SHANK1: variants seen among roughly 807,000 people sequenced by gnomAD.
SHANK1 encodes SH3 and multiple ankyrin repeat domains 1.
Under a neutral mutation model 165.6 loss-of-function variants are expected in SHANK1, and 35 were observed. That is an observed-to-expected ratio of 0.21 (90% CI 0.16 to 0.28). The LOEUF (loss-of-function observed/expected upper bound fraction) is 0.28. Among genes scored for constraint, SHANK1 ranks in the 10% least tolerant of loss-of-function variants. The pLI is 1.00. For missense variants in SHANK1, 2,681 were observed against 3,036.4 expected, an observed-to-expected ratio of 0.88 and a Z score of 2.75; for synonymous variants, 1,428 against 1,384.8, an observed-to-expected ratio of 1.03 and a Z score of -0.69.
At chr19:50,715,879 C>G (rs2089063347) in intron 3 of SHANK1, 149 bp from the exon 4 acceptor site, 1 of 769,666 alleles carries the variant, frequency 1.3e-6, no homozygotes, top group Non-Finnish European at 2.3e-6. Flanking sequence ...GAACCTTGGT[C>G]TAGGCGGTAG....
Position 50,668,334 on chromosome 19 carries a change from G to C in SHANK1, c.3626C>G (p.Pro1209Arg), listed in dbSNP as rs1985644064. ...SPAPAMSPVP[P>R]SPSPVPTPAS... The stretch of plus-strand genomic sequence containing the variant: ...GGGGGTGGGCACGGGCGAGGGGGAC[G>C]GGGGCACGGGTGACATGGCCGGGGC... Residue 1209 changes from proline (P) to arginine (R), a missense_variant, in exon 23 of 24, where the codon CCG becomes CGG. By Grantham distance (103) the Pro-to-Arg change is moderately radical. This residue lies in a region of SHANK1 where 1,713 missense variants were observed against 1,630.2 expected (regional missense o/e 1.05). Transcript: ENST00000293441. 2.4e-6 allele frequency: 3 copies of C among 1,261,104 alleles called. No individual in the cohort carries two copies. Among genetic ancestry groups the C allele is most frequent in the Middle Eastern group, 3.1e-4 (1 of 3,278 alleles). 78.1% of individuals were successfully genotyped at this position (1,261,104 alleles called of 1,614,324 possible). A position where few individuals can be genotyped will look rare whatever the true frequency, so the allele number is the denominator to read the frequency against.
Position 50,697,864 on chromosome 19 carries a change from G to T in SHANK1, c.1840C>A (p.Arg614Ser). The change falls in exon 13 of 24, where the codon CGC becomes AGC. Residue 614 changes from arginine to serine, a missense_variant. Physicochemically the swap from Arg to Ser is moderately radical, Grantham distance 110. This residue lies in a region of SHANK1 where 147 missense variants were observed against 256.5 expected (regional missense o/e 0.57). Transcript: ENST00000293441. The surrounding 1 kb of genome is among the most constrained non-coding windows in gnomAD (Gnocchi z 4.7). ...TTACCTTGCTTGCTCTCCTGAGAGC[G>T]ATTCGCCACTTCTTCCAGGCAGTCA... ...PSDCLEEVAN[R>S]SQESKQESRS... 6.2e-7 allele frequency: 1 copy of T among 1,613,798 alleles called. No homozygotes were observed. Among genetic ancestry groups the T allele is most frequent in the Non-Finnish European group, 8.5e-7 (1 of 1,179,836 alleles).
Position 50,669,124 on chromosome 19 carries a change from T to G in SHANK1, c.2836A>C (p.Thr946Pro), listed in dbSNP as rs1406958478. The G allele has an allele frequency of 9.5e-6, 14 of 1,468,282 alleles. No homozygotes were observed. The highest frequency in any genetic ancestry group is 2.7e-5 in the East Asian group (1 of 37,562). The allele number at this position is 1,468,282 out of a possible 1,614,324, so 91.0% of individuals were successfully genotyped here. The change falls in exon 23 of 24, where the codon ACC (threonine) becomes CCC (proline). Residue 946 changes from threonine to proline, a missense_variant. Thr to Pro is a conservative substitution (Grantham distance 38, BLOSUM62 -1). This residue lies in a region of SHANK1 where 1,713 missense variants were observed against 1,630.2 expected (regional missense o/e 1.05). Coordinates refer to ENST00000293441, the MANE Select transcript of SHANK1 (RefSeq NM_016148.5). ...AAGGGCCCTCCCCGAGGGGAGGGGG[T>G]GAGGCGCCCTGAGGAGGAGGGGACT... ...PPVPSSSGRL[T>P]PSPRGGPFNP...
chr19:50,717,152 C>A lies in SHANK1; in HGVS notation c.-43-190G>T, dbSNP rs1599876234. On this transcript the variant is annotated intron_variant, in intron 1 of 23. Coordinates refer to ENST00000293441, the MANE Select transcript of SHANK1 (RefSeq NM_016148.5). This position sits in a 1 kb window ranked among gnomAD's most constrained non-coding sequence, Gnocchi z 5.5. The stretch of plus-strand genomic sequence containing the variant: ...TCCTCCCACGCTGGCACGCACACAC[C>A]CCTGTCCCTGACATGCTTCTGGCAT... Among the ~76,000 whole-genome samples the A allele has an allele frequency of 6.6e-6, 1 of 152,298 alleles. No individual in the cohort carries two copies. The highest frequency in any genetic ancestry group is 2.4e-5 in the African/African-American group (1 of 41,566).
Position 50,661,887 on chromosome 19 carries a change from G to T in SHANK1, c.*78C>A. On this transcript the variant is annotated 3_prime_UTR_variant, in exon 24 of 24. Transcript: ENST00000293441. ...AGAGTCCCTGGCCCGGGGAGAGAAT[G>T]ACAGTCAGGGGTCAGAGGTCAAGAG... 6.7e-7 allele frequency: 1 copy of T among 1,496,776 alleles called. No homozygotes were observed. The highest frequency in any genetic ancestry group is 9.2e-7 in the Non-Finnish European group (1 of 1,082,368). The allele number at this position is 1,496,776 out of a possible 1,614,324, so 92.7% of individuals were successfully genotyped here.
intron 21 of SHANK1, among the ~76,000 whole-genome samples, chr19:50,673,147 G>A (rs1046655838): frequency 2.0e-4 from 30 of 152,240 alleles, no homozygotes; most frequent in African/African-American, 7.0e-4. Context: ...AAGCCGGGGT[G>A]CCCAGCCTGA....
At chr19:50,682,833 G>GT (rs1479074781) in intron 21 of SHANK1, among the ~76,000 whole-genome samples, 1 of 152,044 alleles carries the variant, frequency 6.6e-6, no homozygotes, top group Non-Finnish European at 1.5e-5. Context: ...TCGTTTGTTT[G>GT]TTTTTTAGAG....
rs776775803 is a variant in SHANK1, at chr19:50,697,886, G to T, written c.1818C>A (p.Asp606Glu). Residue 606 changes from aspartate (D) to glutamate (E), a missense_variant, in exon 13 of 24, where the codon GAC becomes GAA. Physicochemically the swap from Asp to Glu is conservative, Grantham distance 45. This residue lies in a region of SHANK1 where 147 missense variants were observed against 256.5 expected (regional missense o/e 0.57). Coordinates refer to ENST00000293441, the MANE Select transcript of SHANK1 (RefSeq NM_016148.5). This position sits in a 1 kb window ranked among gnomAD's most constrained non-coding sequence, Gnocchi z 4.7. Reference sequence around the variant, plus strand: ...AGCGATTCGCCACTTCTTCCAGGCAGTCAGAGGGGAACCAGCCAACACGAC... The same window carrying T: ...AGCGATTCGCCACTTCTTCCAGGCATTCAGAGGGGAACCAGCCAACACGAC... ...VKGRVGWFPS[D>E]CLEEVANRSQ... The T allele has an allele frequency of 6.2e-6, 10 of 1,614,124 alleles. No individual in the cohort carries two copies. The highest frequency in any genetic ancestry group is 8.5e-6 in the Non-Finnish European group (10 of 1,180,012).
chr19:50,718,134 G>T lies in SHANK1; in HGVS notation c.-43-1172C>A, dbSNP rs1363056079. Among the ~76,000 whole-genome samples, 2 of 152,144 alleles carry T rather than the reference G, an allele frequency of 1.3e-5. No homozygotes were observed. The highest frequency in any genetic ancestry group is 4.8e-5 in the African/African-American group (2 of 41,426). On this transcript the variant is annotated intron_variant, in intron 1 of 23. Coordinates refer to ENST00000293441, the MANE Select transcript of SHANK1 (RefSeq NM_016148.5). The surrounding 1 kb of genome is among the most constrained non-coding windows in gnomAD (Gnocchi z 5.1). ...TGGGGGAGTGGGGATGGGCTGGGGG[G>T]TTGGGAAAGGGAAGACTAAATGTGT...
rs1339867242 is a variant in SHANK1, at chr19:50,667,411, C to T, written c.4549G>A (p.Gly1517Arg). 18 of 1,517,910 alleles carry T rather than the reference C, an allele frequency of 1.2e-5. No individual in the cohort carries two copies. The highest frequency in any genetic ancestry group is 1.6e-5 in the Non-Finnish European group (18 of 1,140,032). The allele number at this position is 1,517,910 out of a possible 1,614,324, so 94.0% of individuals were successfully genotyped here. The part of the protein sequence containing the change: ...GRGPPSEDGP[G>R]VPPPSPRRSV... Reference sequence around the variant, plus strand: ...CGGCGTGGGCTGGGCGGCGGGACCCCCGGCCCGTCCTCCGAGGGGGGACCC... The same window carrying T: ...CGGCGTGGGCTGGGCGGCGGGACCCTCGGCCCGTCCTCCGAGGGGGGACCC... The change falls in exon 23 of 24, where the codon GGG becomes AGG. Residue 1517 changes from glycine (G) to arginine (R), a missense_variant. Physicochemically the swap from Gly to Arg is moderately radical, Grantham distance 125. Coordinates refer to ENST00000293441, the MANE Select transcript of SHANK1 (RefSeq NM_016148.5). This position sits in a 1 kb window ranked among gnomAD's most constrained non-coding sequence, Gnocchi z 5.7.
rs1985582302 is a variant in SHANK1 at position 50,667,469 on chromosome 19, G to C, written c.4491C>G (p.Asn1497Lys). Reference protein sequence around the residue: ...RLPLHVRFLENCQPRAPVTSG... With the variant: ...RLPLHVRFLEKCQPRAPVTSG... The stretch of plus-strand genomic sequence containing the variant: ...TCGTCACAGGGGCCCGGGGCTGGCA[G>C]TTTTCAAGGAACCGCACGTGCAGCG... Residue 1497 changes from asparagine (N) to lysine (K), a missense_variant, in exon 23 of 24, where the codon AAC becomes AAG. Asn to Lys is a moderately conservative substitution (Grantham distance 94). Around this residue, in one of 10 missense-constraint regions of SHANK1, gnomAD observed 1,713 missense variants for 1,630.2 expected, o/e 1.05. Transcript: ENST00000293441. The surrounding 1 kb of genome is among the most constrained non-coding windows in gnomAD (Gnocchi z 5.7). The C allele has an allele frequency of 6.5e-7, 1 of 1,531,982 alleles. No homozygotes were observed. The highest frequency in any genetic ancestry group is 1.4e-5 in the African/African-American group (1 of 72,326). 94.9% of individuals were successfully genotyped at this position (1,531,982 alleles called of 1,614,324 possible). A position where few individuals can be genotyped will look rare whatever the true frequency, so the allele number is the denominator to read the frequency against.
chr19:50,689,090 G>T (rs1986457339), intron 16 of SHANK1, 107 bp downstream of exon 16: 4 of 1,120,564 alleles, frequency 3.6e-6, no homozygotes, highest in Non-Finnish European at 5.4e-6. Context: ...ACCCCGGGGT[G>T]GGGTGGTGGG....
chr19:50,686,136 A>G lies in SHANK1; in HGVS notation c.2577+101T>C, dbSNP rs1381549542. 1.6e-6 allele frequency: 1 copy of G among 645,008 alleles called. No homozygotes were observed. Among genetic ancestry groups the G allele is most frequent in the African/African-American group, 1.9e-5 (1 of 53,410 alleles). 40.0% of individuals were successfully genotyped at this position (645,008 alleles called of 1,614,324 possible). ...GTGTCGCCCCTCCAGGACCAGCCTA[A>G]AGCACAGAGGCGTCAGGAGGGTTTT... On this transcript the variant is annotated intron_variant, in intron 21 of 23. Transcript: ENST00000293441. This position sits in a 1 kb window ranked among gnomAD's most constrained non-coding sequence, Gnocchi z 5.7.
In SHANK1 at chr19:50,668,961, G is replaced by A. The variant is rs1985686396; in HGVS notation, c.2999C>T (p.Pro1000Leu). Reference sequence around the variant, plus strand: ...GGCGTGGTGGTGGTGGTGGTGGGGCGGGTGGTGGTGGGCCGGGGGCAGGGG... The same window carrying A: ...GGCGTGGTGGTGGTGGTGGTGGGGCAGGTGGTGGTGGGCCGGGGGCAGGGG... ...SGPLPPAHHHPPHHHHHHAPP... is the reference protein window; with the variant it reads ...SGPLPPAHHHLPHHHHHHAPP... Residue 1000 changes from proline (P) to leucine (L), a missense_variant, in exon 23 of 24, where the codon CCG (proline) becomes CTG (leucine). Pro to Leu is a moderately conservative substitution (Grantham distance 98, BLOSUM62 -3). Transcript: ENST00000293441. 1 of 576,984 alleles carries A rather than the reference G, an allele frequency of 1.7e-6. No homozygotes were observed. The highest frequency in any genetic ancestry group is 2.9e-6 in the Non-Finnish European group (1 of 343,464). 35.7% of individuals were successfully genotyped at this position (576,984 alleles called of 1,614,324 possible).
rs532974300 is a variant in SHANK1 at position 50,674,085 on chromosome 19, G to A, written c.2578-1971C>T. On this transcript the variant is annotated intron_variant, in intron 21 of 23. Transcript: ENST00000293441. ...TCTCAGATTACAGGCATGAGCCACC[G>A]TGTTGGCCTATTTTTTTTTTTTTTA... 4.9e-5 allele frequency among the ~76,000 whole-genome samples: 7 copies of A among 142,084 alleles called. No individual in the cohort carries two copies. In the East Asian group the frequency reaches 5.9e-4, roughly 12 times the overall value. 93.2% of individuals were successfully genotyped at this position (142,084 alleles called of 152,430 possible).
rs898314940 is a variant in SHANK1 at position 50,660,867 on chromosome 19, AAC to A, written c.*1096_*1097del. Among the ~76,000 whole-genome samples the A allele has an allele frequency of 6.1e-4, 92 of 150,276 alleles. No homozygotes were observed. The highest frequency in any genetic ancestry group is 2.2e-3 in the African/African-American group (90 of 40,864). Reference sequence around the variant, plus strand: ...GAAGAGAATGAGCATGTGTGAGAGAAACAGTTTCTGGGAGGCAAGTGTGCAAA... The same window carrying A: ...GAAGAGAATGAGCATGTGTGAGAGAAAGTTTCTGGGAGGCAAGTGTGCAAA... On this transcript the variant is annotated 3_prime_UTR_variant, in exon 24 of 24. Transcript: ENST00000293441.
intron 8 of SHANK1, among the ~76,000 whole-genome samples, chr19:50,710,205 G>C (rs2088991741): frequency 6.6e-6 from 1 of 152,206 alleles, no homozygotes; most frequent in Admixed American, 6.5e-5. Context: ...CACGTGGGGA[G>C]AGAAGTGCCG....
Position 50,686,433 on chromosome 19 carries a change from C to T in SHANK1, c.2459-78G>A, listed in dbSNP as rs1986338835. 10 of 1,055,634 alleles carry T rather than the reference C, an allele frequency of 9.5e-6. No homozygotes were observed. In the Admixed American group the frequency reaches 2.0e-4, roughly 21 times the overall value. 65.4% of individuals were successfully genotyped at this position (1,055,634 alleles called of 1,614,324 possible). A position where few individuals can be genotyped will look rare whatever the true frequency, so the allele number is the denominator to read the frequency against. On this transcript the variant is annotated intron_variant, in intron 20 of 23. Coordinates refer to ENST00000293441, the MANE Select transcript of SHANK1 (RefSeq NM_016148.5). The surrounding 1 kb of genome is among the most constrained non-coding windows in gnomAD (Gnocchi z 5.7). ...TTGACCCGGGCCGCAAAGACCAGAG[C>T]TGCCGCCCGCAGTTCATCCAGCACC... is the stretch of plus-strand genomic sequence containing the variant.
rs1457494223 is a variant in SHANK1 at position 50,704,196 on chromosome 19, G to A, written c.1156-10C>T. 6 of 1,613,600 alleles carry A rather than the reference G, an allele frequency of 3.7e-6. No homozygotes were observed. The highest frequency in any genetic ancestry group is 5.1e-6 in the Non-Finnish European group (6 of 1,179,820). ...CAGCAATCACTGCCACCTGGAGGGAGGGGGTAGAGGCAGGTCGGCCAGGGG... is the reference window on the plus strand; with the variant it reads ...CAGCAATCACTGCCACCTGGAGGGAAGGGGTAGAGGCAGGTCGGCCAGGGG... On this transcript the variant is annotated splice_polypyrimidine_tract_variant and intron_variant, in intron 9 of 23. Coordinates refer to ENST00000293441, the MANE Select transcript of SHANK1 (RefSeq NM_016148.5).
Sources: gnomAD v4.1 joint callset for allele counts (sites outside exome capture counted in the v4.1 genomes callset) on GRCh38, gnomAD v4.1.1 for gene constraint, gnomAD v4.1.1 regional missense constraint, Gnocchi (gnomAD v3.1) non-coding constraint, MANE v1.5 for transcripts, NCBI Gene and HGNC (gene_info 2026-07-23, HGNC 2026-07-21) for gene names.